TRPC7: variants seen among roughly 807,000 people sequenced by gnomAD.
TRPC7 encodes the protein transient receptor potential cation channel subfamily C member 7.
A neutral mutation model predicts 90.1 loss-of-function variants in TRPC7; 42 were observed. The observed-to-expected ratio is 0.47, with a 90% CI of 0.36 to 0.60. The LOEUF is 0.60. Among genes scored for constraint, TRPC7 ranks in the 20% least tolerant of loss-of-function variants. The probability of loss-of-function intolerance (pLI) is 0.00; values close to 1 mark genes in which losing one functional copy is unlikely to be tolerated. For synonymous variants in TRPC7, 451 were observed against 436.3 expected, an observed-to-expected ratio of 1.03 and a Z score of -0.42; for missense variants, 955 against 1,112.3, an observed-to-expected ratio of 0.86 and a Z score of 2.01.
intron 3 of TRPC7, among the ~76,000 whole-genome samples, chr5:136,313,506 C>T (rs949360002): frequency 2.6e-5 from 4 of 152,256 alleles, no homozygotes; most frequent in South Asian, 4.1e-4. Flanking sequence ...ATAGATTGTG[C>T]TCATGCAAGT....
intron 10 of TRPC7, among the ~76,000 whole-genome samples, chr5:136,221,241 G>A (rs901468403): frequency 3.3e-5 from 5 of 152,076 alleles, no homozygotes; most frequent in African/African-American, 9.7e-5. Context: ...CCTGGTAGTG[G>A]CAACTCTCCC....
At chr5:136,337,664 A>C (rs1387247568) in intron 2 of TRPC7, among the ~76,000 whole-genome samples, 1 of 51,414 alleles carries the variant, frequency 1.9e-5, no homozygotes, top group Non-Finnish European at 4.6e-5. Flanking sequence ...AGACTCCATC[A>C]AAAAAAAAAA....
At chr5:136,302,391 C>G (rs947331289) in intron 3 of TRPC7, among the ~76,000 whole-genome samples, 3 of 152,128 alleles carry the variant, frequency 2.0e-5, no homozygotes, top group African/African-American at 7.2e-5. Context: ...TCAACCCCTT[C>G]TTCACCCTTA....
chr5:136,357,057 G>A lies in TRPC7; in HGVS notation c.331C>T (p.Leu111=), dbSNP rs773308097. Residue 111 remains leucine, a synonymous_variant, in exon 2 of 12, where the codon CTG becomes TTG. Transcript: ENST00000513104. ...ENLARVGDAL[L]LAISKGYVRI... ...ACATAGCCCTTGCTGATGGCCAGCAGCAGCGCGTCCCCCACCCGTGCCAGG... is the reference window on the plus strand; with the variant it reads ...ACATAGCCCTTGCTGATGGCCAGCAACAGCGCGTCCCCCACCCGTGCCAGG... 1.9e-6 allele frequency: 3 copies of A among 1,613,606 alleles called. No homozygotes were observed. Among genetic ancestry groups the A allele is most frequent in the Non-Finnish European group, 8.5e-7 (1 of 1,179,926 alleles).
rs572003645 is a variant in TRPC7 at position 136,243,795 on chromosome 5, CTGTT to C, written c.1844+3672_1844+3675del. ...TCTCTCCACTTCACTGCTCTATTGA[CTGTT>C]TTTCTGTTCAATCAAATCCTATTCA... is the stretch of plus-strand genomic sequence containing the variant. On this transcript the variant is annotated intron_variant, in intron 7 of 11. Coordinates refer to ENST00000513104, the MANE Select transcript of TRPC7 (RefSeq NM_020389.3). 3.3e-5 allele frequency among the ~76,000 whole-genome samples: 5 copies of C among 152,148 alleles called. No individual in the cohort carries two copies. The South Asian group carries it at 6.2e-4, about 19-fold the overall frequency.
chr5:136,359,634 G>T (rs1260209910), intron 1 of TRPC7, among the ~76,000 whole-genome samples: 1 of 152,138 alleles, frequency 6.6e-6, no homozygotes, highest in Admixed American at 6.6e-5. Context: ...TTCACAAATA[G>T]TGTGCAGGCA....
intron 3 of TRPC7, among the ~76,000 whole-genome samples, chr5:136,298,520 G>A (rs1758262102): frequency 6.6e-6 from 1 of 152,072 alleles, no homozygotes; most frequent in Non-Finnish European, 1.5e-5. Flanking sequence ...CAGCTACTAG[G>A]GACTCACAGA....
intron 10 of TRPC7, chr5:136,222,229 A>G (rs1755484036): frequency 6.6e-6 from 1 of 152,242 alleles, no homozygotes; most frequent in South Asian, 2.1e-4. Flanking sequence ...TCACAAAAGC[A>G]GAAGGATTGA....
At chr5:136,350,785 T>C (rs1760170457) in intron 2 of TRPC7, among the ~76,000 whole-genome samples, 1 of 152,160 alleles carries the variant, frequency 6.6e-6, no homozygotes. Context: ...GGCAGTTCCA[T>C]CAACTCATCA....
Position 136,240,962 on chromosome 5 carries a change from G to A in TRPC7, c.1844+6509C>T, listed in dbSNP as rs1756144193. Among the ~76,000 whole-genome samples the A allele has an allele frequency of 2.0e-5, 3 of 152,098 alleles. No individual in the cohort carries two copies. In the South Asian group the frequency reaches 6.2e-4, roughly 32 times the overall value. On this transcript the variant is annotated intron_variant, in intron 7 of 11. Coordinates refer to ENST00000513104, the MANE Select transcript of TRPC7 (RefSeq NM_020389.3). ...AATTTCAGCTCTAAGCCGAGTACGT[G>A]AAGCTCAGCCTTGAAGCTGGGACAG...
chr5:136,228,059 C>T (rs1298444887), intron 8 of TRPC7, among the ~76,000 whole-genome samples: 1 of 152,190 alleles, frequency 6.6e-6, no homozygotes, highest in African/African-American at 2.4e-5. Context: ...AACACACAGT[C>T]TGGCCGATGA....
intron 3 of TRPC7, among the ~76,000 whole-genome samples, chr5:136,302,553 T>G (rs983896953): frequency 6.6e-6 from 1 of 152,100 alleles, no homozygotes; most frequent in Non-Finnish European, 1.5e-5. Context: ...CCTCCTTCAC[T>G]ATGGGCAACC....
chr5:136,243,798 T>C (rs1230623641), intron 7 of TRPC7, among the ~76,000 whole-genome samples: 1 of 152,120 alleles, frequency 6.6e-6, no homozygotes, highest in Non-Finnish European at 1.5e-5. Flanking sequence ...CTATTGACTG[T>C]TTTTCTGTTC....
chr5:136,306,456 C>T (rs1026233847), intron 3 of TRPC7, among the ~76,000 whole-genome samples: 5 of 152,078 alleles, frequency 3.3e-5, no homozygotes, highest in Non-Finnish European at 7.3e-5. Context: ...TTGAAGCAGC[C>T]CTGAGAAACA....
At chr5:136,243,195 T>G (rs1284905901) in intron 7 of TRPC7, among the ~76,000 whole-genome samples, 2 of 152,102 alleles carry the variant, frequency 1.3e-5, no homozygotes, top group Non-Finnish European at 2.9e-5. Context: ...TGAGCTGGCC[T>G]GGGACTGCAC....
intron 7 of TRPC7, among the ~76,000 whole-genome samples, chr5:136,240,946 TCTAAGCC>T (rs534713838): frequency 1.2e-3 from 178 of 152,254 alleles, no homozygotes; most frequent in African/African-American, 4.1e-3. Flanking sequence ...CAATTTCAGC[TCTAAGCC>T]GAGTACGTGA....
intron 3 of TRPC7, among the ~76,000 whole-genome samples, chr5:136,290,725 T>C (rs1365869557): frequency 6.6e-6 from 1 of 152,166 alleles, no homozygotes; most frequent in Non-Finnish European, 1.5e-5. Context: ...CTGCAGGATA[T>C]TATCCAGGAG....
intron 1 of TRPC7, among the ~76,000 whole-genome samples, chr5:136,360,668 C>T (rs566988917): frequency 6.6e-6 from 1 of 152,288 alleles, no homozygotes; most frequent in South Asian, 2.1e-4. Context: ...CTGTTCCTTT[C>T]CTAGCAGAAT....
intron 6 of TRPC7, among the ~76,000 whole-genome samples, chr5:136,249,198 C>T (rs1212355122): frequency 1.3e-5 from 2 of 152,098 alleles, no homozygotes; most frequent in African/African-American, 2.4e-5. Flanking sequence ...CATAGCAATT[C>T]GTGGCATTCC....
Sources: allele counts gnomAD v4.1 joint callset (sites outside exome capture counted in the v4.1 genomes callset), GRCh38; gene constraint gnomAD v4.1.1; transcripts MANE v1.5; gene names NCBI Gene and HGNC (gene_info 2026-07-23, HGNC 2026-07-21).